The following MRPL48 variants were observed in gnomAD, a reference collection of about 807,000 sequenced individuals.
MRPL48 encodes large ribosomal subunit protein mL48.
Under a neutral mutation model 32.9 loss-of-function variants are expected in MRPL48, and 16 were observed. That is an observed-to-expected ratio of 0.49 (90% CI 0.33 to 0.74). The LOEUF is 0.74. MRPL48 is among the 30% of genes least tolerant of loss of function. The probability of loss-of-function intolerance (pLI) is 0.02; values close to 1 mark genes in which losing one functional copy is unlikely to be tolerated. For missense variants in MRPL48, 206 were observed against 245.3 expected, an observed-to-expected ratio of 0.84 and a Z score of 1.07; for synonymous variants, 94 against 89.2, an observed-to-expected ratio of 1.05 and a Z score of -0.31.
chr11:73,793,354 C>T (rs1348214099), intron 1 of MRPL48, among the ~76,000 whole-genome samples: 1 of 152,224 alleles, frequency 6.6e-6, no homozygotes, highest in Non-Finnish European at 1.5e-5. Context: ...GCGTGAGCCA[C>T]TGCACCTGGC....
rs192175890 is a variant in MRPL48, at chr11:73,849,473, C to A, written c.371+4497C>A. 2.2e-4 allele frequency among the ~76,000 whole-genome samples: 33 copies of A among 152,270 alleles called. No homozygotes were observed. The East Asian group carries it at 3.3e-3, about 15-fold the overall frequency. ...TCTATGTTCTGTCCTTATAGTTTTG[C>A]CTTTTTCAGAATTCCATACAAATAA... On this transcript the variant is annotated intron_variant, in intron 5 of 7. Transcript: ENST00000310614.
chr11:73,825,856 A>T, intron 4 of MRPL48, 60 bp downstream of exon 4: 2 of 1,366,614 alleles, frequency 1.5e-6, no homozygotes, highest in Non-Finnish European at 2.0e-6. Flanking sequence ...AAAAACCTGA[A>T]GATCAGATAT....
intron 4 of MRPL48, among the ~76,000 whole-genome samples, chr11:73,827,441 G>A (rs539801150): frequency 6.6e-6 from 1 of 152,198 alleles, no homozygotes; most frequent in Non-Finnish European, 1.5e-5. Context: ...CAGGTAAGTG[G>A]ATATTAGTTC....
chr11:73,825,284 ATGTGTGTGTGTG>A lies in MRPL48; in HGVS notation c.113-396_113-385del, dbSNP rs66515925. The stretch of plus-strand genomic sequence containing the variant: ...CTTACTGTTACCTTGTTTTTTATAT[ATGTGTGTGTGTG>A]TGTGTGTGTGTGTGTGTGTGTGTGT... On this transcript the variant is annotated intron_variant, in intron 3 of 7. Transcript: ENST00000310614. Among the ~76,000 whole-genome samples, 51 of 139,914 alleles carry A rather than the reference ATGTGTGTGTGTG, an allele frequency of 3.6e-4. No individual in the cohort carries two copies. The South Asian group carries it at 9.0e-3, about 25-fold the overall frequency. 91.8% of individuals were successfully genotyped at this position (139,914 alleles called of 152,430 possible). A position where few individuals can be genotyped will look rare whatever the true frequency, so the allele number is the denominator to read the frequency against.
chr11:73,855,278 T>G (rs1362911483), intron 5 of MRPL48, among the ~76,000 whole-genome samples: 1 of 151,840 alleles, frequency 6.6e-6, no homozygotes, highest in East Asian at 1.9e-4. Flanking sequence ...TGAAATGCTT[T>G]GATGGCTTCC....
chr11:73,844,785 T>C, intron 4 of MRPL48, 22 bp from the exon 5 acceptor site: 3 of 1,599,162 alleles, frequency 1.9e-6, no homozygotes, highest in Admixed American at 1.8e-5. Context: ...TTATTTTCTT[T>C]CTCTCTTTGT....
intron 3 of MRPL48, among the ~76,000 whole-genome samples, chr11:73,818,104 C>T (rs1947709103): frequency 1.3e-5 from 2 of 152,002 alleles, no homozygotes; most frequent in African/African-American, 4.8e-5. Context: ...CAGTCACTGC[C>T]CCCAGACTGA....
intron 3 of MRPL48, among the ~76,000 whole-genome samples, chr11:73,816,286 C>T (rs1432201758): frequency 2.0e-5 from 3 of 148,870 alleles, no homozygotes; most frequent in African/African-American, 5.0e-5. Context: ...TGGTCTCGAT[C>T]TCCTGACCTC....
intron 4 of MRPL48, among the ~76,000 whole-genome samples, chr11:73,827,820 T>C (rs1305106279): frequency 1.3e-5 from 2 of 152,168 alleles, no homozygotes; most frequent in East Asian, 3.8e-4. Flanking sequence ...CTATCAGGCC[T>C]GTATTAGCCA....
At chr11:73,815,428 CTG>C (rs1947646330) in intron 3 of MRPL48, among the ~76,000 whole-genome samples, 1 of 151,374 alleles carries the variant, frequency 6.6e-6, no homozygotes, top group Admixed American at 6.6e-5. Context: ...AAAAAAAAAT[CTG>C]TGTTTTTCCT....
At chr11:73,810,543 G>T (rs1189715328) in intron 3 of MRPL48, among the ~76,000 whole-genome samples, 2 of 141,480 alleles carry the variant, frequency 1.4e-5, no homozygotes, top group African/African-American at 5.6e-5. Flanking sequence ...AAGAAATAAG[G>T]ATGTTTTCTT....
intron 5 of MRPL48, chr11:73,850,456 C>G (rs529536381): frequency 3.1e-6 from 1 of 317,836 alleles, no homozygotes; most frequent in African/African-American, 2.2e-5. Context: ...AAAAATCTCT[C>G]TTTCTTTATT....
intron 5 of MRPL48, among the ~76,000 whole-genome samples, chr11:73,853,574 C>T (rs1035668762): frequency 6.6e-6 from 1 of 151,074 alleles, no homozygotes; most frequent in African/African-American, 2.4e-5. Context: ...TGGTACATGA[C>T]AGCACTTAGC....
chr11:73,854,954 C>G (rs1278108793), intron 5 of MRPL48, among the ~76,000 whole-genome samples: 1 of 152,142 alleles, frequency 6.6e-6, no homozygotes, highest in Non-Finnish European at 1.5e-5. Flanking sequence ...TGCTCAACCT[C>G]TTTGTGTCTT....
intron 3 of MRPL48, among the ~76,000 whole-genome samples, chr11:73,812,408 T>C (rs1470689376): frequency 6.6e-6 from 1 of 152,194 alleles, no homozygotes; most frequent in Non-Finnish European, 1.5e-5. Context: ...ATTTGTAAGA[T>C]AAATTCCTGG....
At chr11:73,839,268 G>C (rs1948151309) in intron 4 of MRPL48, among the ~76,000 whole-genome samples, 1 of 152,114 alleles carries the variant, frequency 6.6e-6, no homozygotes, top group Non-Finnish European at 1.5e-5. Context: ...ACCATTCCAG[G>C]TGCTCTGTTA....
At chr11:73,824,360 T>C (rs1265837469) in intron 3 of MRPL48, among the ~76,000 whole-genome samples, 1 of 151,474 alleles carries the variant, frequency 6.6e-6, no homozygotes, top group African/African-American at 2.4e-5. Context: ...GTGGCCGAGG[T>C]GGGCGAATCA....
intron 4 of MRPL48, among the ~76,000 whole-genome samples, chr11:73,838,217 G>A (rs144257096): frequency 3.9e-5 from 6 of 152,308 alleles, no homozygotes; most frequent in Admixed American, 1.3e-4. Flanking sequence ...AGTAGGCATT[G>A]AGAGAATGGG....
intron 1 of MRPL48, among the ~76,000 whole-genome samples, chr11:73,794,746 T>TC (rs1453960791): frequency 6.8e-6 from 1 of 147,908 alleles, no homozygotes; most frequent in Non-Finnish European, 1.5e-5. Context: ...TTACTTCTTT[T>TC]CTTTTTTTTT....
Sources: gnomAD v4.1 joint callset for allele counts (sites outside exome capture counted in the v4.1 genomes callset) on GRCh38, gnomAD v4.1.1 for gene constraint, MANE v1.5 for transcripts, NCBI Gene and HGNC (gene_info 2026-07-23, HGNC 2026-07-21) for gene names.